The following NOL4 variants were observed in gnomAD, a reference collection of about 807,000 sequenced individuals.
NOL4 encodes nucleolar protein 4, also known as cancer/testis antigen 125.
A neutral mutation model predicts 75.9 loss-of-function variants in NOL4; 17 were observed. The observed-to-expected ratio is 0.22, with a 90% CI of 0.15 to 0.34. The LOEUF (loss-of-function observed/expected upper bound fraction) is 0.34. Ranked by LOEUF, NOL4 falls within the 10% of genes least tolerant of loss-of-function variation. The pLI is 1.00. For missense variants in NOL4, 614 were observed against 793.5 expected (o/e 0.77, Z 2.72); for synonymous variants, 292 against 289.9 (o/e 1.01, Z -0.07).
chr18:34,073,859 T>A (rs966765040), intron 5 of NOL4, among the ~76,000 whole-genome samples: 1 of 152,002 alleles, frequency 6.6e-6, no homozygotes, highest in East Asian at 1.9e-4. Flanking sequence ...GGCATAGTCA[T>A]CTATGGACAA....
At chr18:33,883,710 T>C (rs1409215415) in intron 9 of NOL4, among the ~76,000 whole-genome samples, 1 of 152,110 alleles carries the variant, frequency 6.6e-6, no homozygotes, top group Non-Finnish European at 1.5e-5. Context: ...GGAAGAAGCC[T>C]AAACATCTCT....
intron 6 of NOL4, chr18:34,001,636 T>A (rs2073714869): frequency 6.6e-6 from 1 of 152,150 alleles, no homozygotes; most frequent in South Asian, 2.1e-4. Context: ...CACAATGAAC[T>A]TTCTACATAG....
intron 5 of NOL4, among the ~76,000 whole-genome samples, chr18:34,063,656 T>A (rs550781013): frequency 5.1e-4 from 78 of 152,068 alleles, no homozygotes; most frequent in Non-Finnish European, 8.4e-4. Context: ...ACCAACCCTC[T>A]GTTGATCTTA....
At chr18:33,977,025 T>G (rs1311750920) in intron 6 of NOL4, among the ~76,000 whole-genome samples, 4 of 152,108 alleles carry the variant, frequency 2.6e-5, no homozygotes, top group Non-Finnish European at 5.9e-5. Context: ...TAAAAATAAC[T>G]CTAATAGTAA....
intron 10 of NOL4, among the ~76,000 whole-genome samples, chr18:33,861,551 GT>G (rs1002120295): frequency 1.3e-5 from 2 of 151,944 alleles, no homozygotes; most frequent in Non-Finnish European, 2.9e-5. Flanking sequence ...CTTGCTAGCA[GT>G]GTATCAACAT....
chr18:33,999,872 T>A (rs888426154), intron 6 of NOL4, among the ~76,000 whole-genome samples: 1 of 152,058 alleles, frequency 6.6e-6, no homozygotes, highest in South Asian at 2.1e-4. Flanking sequence ...CTGGTTGGTA[T>A]CGAAGCCCTG....
intron 5 of NOL4, among the ~76,000 whole-genome samples, chr18:34,081,466 T>C (rs966608047): frequency 6.6e-6 from 1 of 152,154 alleles, no homozygotes; most frequent in African/African-American, 2.4e-5. Flanking sequence ...ACTTGTATAA[T>C]TGATAGCTGA....
At chr18:34,047,617 T>C (rs1240766243) in intron 5 of NOL4, among the ~76,000 whole-genome samples, 8 of 152,124 alleles carry the variant, frequency 5.3e-5, no homozygotes, top group Admixed American at 5.2e-4. Flanking sequence ...TTTGAGGTAA[T>C]TAAGTTTTTG....
At chr18:33,913,320 A>G (rs1272129844) in intron 9 of NOL4, among the ~76,000 whole-genome samples, 1 of 152,128 alleles carries the variant, frequency 6.6e-6, no homozygotes, top group Non-Finnish European at 1.5e-5. Context: ...TTAAATATTG[A>G]GTAACAAAGG....
chr18:34,100,750 C>A lies in NOL4; in HGVS notation c.639+3297G>T, dbSNP rs77769868. Among the ~76,000 whole-genome samples, 8 of 152,242 alleles carry A rather than the reference C, an allele frequency of 5.3e-5. No individual in the cohort carries two copies. The South Asian group carries it at 1.0e-3, about 20-fold the overall frequency. On this transcript the variant is annotated intron_variant, in intron 4 of 10. Coordinates refer to ENST00000261592, the MANE Select transcript of NOL4 (RefSeq NM_003787.5). ...ACTACCTTGGTAGTATCTTCAGTCT[C>A]ATGGCTTCACACACTATCTGCCGAT...
intron 5 of NOL4, among the ~76,000 whole-genome samples, chr18:34,085,274 A>T (rs2078194839): frequency 6.6e-6 from 1 of 152,192 alleles, no homozygotes; most frequent in African/African-American, 2.4e-5. Context: ...AGCATCTGCT[A>T]TTTGGTCCTA....
chr18:33,875,644 C>T (rs1262386631), intron 10 of NOL4, among the ~76,000 whole-genome samples: 3 of 152,020 alleles, frequency 2.0e-5, no homozygotes, highest in African/African-American at 4.8e-5. Flanking sequence ...ATTCTCCTTG[C>T]CTCCAATTGC....
chr18:33,863,348 C>G (rs2063269512), intron 10 of NOL4, among the ~76,000 whole-genome samples: 1 of 152,024 alleles, frequency 6.6e-6, no homozygotes, highest in Admixed American at 6.6e-5. Flanking sequence ...GTGCAGCACA[C>G]CAGCATGTCA....
intron 5 of NOL4, among the ~76,000 whole-genome samples, chr18:34,034,532 A>G (rs1356402196): frequency 6.6e-6 from 1 of 152,176 alleles, no homozygotes; most frequent in East Asian, 1.9e-4. Flanking sequence ...TGAGGCCAGG[A>G]GTTCGAGACC....
chr18:33,997,180 G>T (rs1226463988), intron 6 of NOL4, among the ~76,000 whole-genome samples: 1 of 151,762 alleles, frequency 6.6e-6, no homozygotes, highest in African/African-American at 2.4e-5. Context: ...TGTCCAGAAG[G>T]GTATTTCCTA....
intron 4 of NOL4, among the ~76,000 whole-genome samples, chr18:34,103,545 A>G (rs2079135091): frequency 6.6e-6 from 1 of 152,074 alleles, no homozygotes; most frequent in Non-Finnish European, 1.5e-5. Flanking sequence ...TAGGAAATGC[A>G]CAGAAGTAAA....
At chr18:34,111,514 T>C (rs576021531) in intron 2 of NOL4, among the ~76,000 whole-genome samples, 1 of 152,242 alleles carries the variant, frequency 6.6e-6, no homozygotes, top group Non-Finnish European at 1.5e-5. Flanking sequence ...GAAAGCATCA[T>C]CTACGTGGAA....
At chr18:33,915,631 T>C (rs1297999101) in intron 9 of NOL4, among the ~76,000 whole-genome samples, 2 of 152,100 alleles carry the variant, frequency 1.3e-5, no homozygotes, top group Non-Finnish European at 2.9e-5. Context: ...AGGCGAGATA[T>C]ATGGCTTCTA....
At chr18:34,105,230 T>C in intron 2 of NOL4, 70 bp from the exon 3 acceptor site, 1 of 1,034,188 alleles carries the variant, frequency 9.7e-7, no homozygotes, top group Non-Finnish European at 1.5e-6. Context: ...GAAATGATCA[T>C]TGTATTTCCA....
Sources: allele counts gnomAD v4.1 joint callset (sites outside exome capture counted in the v4.1 genomes callset), GRCh38; gene constraint gnomAD v4.1.1; transcripts MANE v1.5; gene names NCBI Gene and HGNC (gene_info 2026-07-23, HGNC 2026-07-21).